Variants in PLEKHM3 observed in about 807,000 individuals in gnomAD.
The protein encoded by PLEKHM3 is pleckstrin homology domain containing M3.
In PLEKHM3, 45 loss-of-function variants were observed where a neutral mutation model predicts 81.8. The observed-to-expected ratio is 0.55, with a 90% CI of 0.43 to 0.71. The LOEUF is 0.71. Among genes scored for constraint, PLEKHM3 ranks in the 30% least tolerant of loss-of-function variants. The probability of loss-of-function intolerance (pLI) is 0.00; values close to 1 mark genes in which losing one functional copy is unlikely to be tolerated. For synonymous variants in PLEKHM3, 352 were observed against 356.4 expected, an observed-to-expected ratio of 0.99 and a Z score of 0.14; for missense variants, 788 against 924.3, an observed-to-expected ratio of 0.85 and a Z score of 1.91.
intron 7 of PLEKHM3, among the ~76,000 whole-genome samples, chr2:207,856,484 A>G (rs1297219264): frequency 6.6e-6 from 1 of 152,180 alleles, no homozygotes; most frequent in Non-Finnish European, 1.5e-5. Flanking sequence ...CTTCCCAGCC[A>G]CCAAATCCCT....
At chr2:207,862,709 T>C (rs929518256) in intron 6 of PLEKHM3, among the ~76,000 whole-genome samples, 1 of 152,034 alleles carries the variant, frequency 6.6e-6, no homozygotes, top group African/African-American at 2.4e-5. Context: ...TAAAGAGAAA[T>C]TACAATGTCC....
chr2:207,977,791 AC>A (rs1691371350), intron 2 of PLEKHM3, among the ~76,000 whole-genome samples: 1 of 152,150 alleles, frequency 6.6e-6, no homozygotes, highest in Admixed American at 6.5e-5. Flanking sequence ...GAGTCTAAAA[AC>A]TGTAACTAGG....
At chr2:207,901,621 A>C (rs1238452565) in intron 6 of PLEKHM3, among the ~76,000 whole-genome samples, 1 of 152,236 alleles carries the variant, frequency 6.6e-6, no homozygotes, top group African/African-American at 2.4e-5. Flanking sequence ...CTTGAGAAAC[A>C]GCACTTTTCC....
At position 207,976,684 on chromosome 2, in the gene PLEKHM3, G is replaced by A. The variant is rs1416993669; in HGVS notation, c.1513C>T (p.Arg505Ter). ...LSILTTLSLE[R>*]GLTAQSFKCA... The stretch of plus-strand genomic sequence containing the variant: ...TTGAAACTCTGAGCAGTGAGTCCTC[G>A]TTCCAAAGACAAAGTCGTCAAAATG... Residue 505 changes from arginine to a stop codon, truncating the protein, a stop_gained, in exon 3 of 8, where the codon CGA (arginine) becomes TGA (stop). Transcript: ENST00000427836. LOFTEE classifies it high-confidence loss of function. This position sits in a 1 kb window ranked among gnomAD's most constrained non-coding sequence, Gnocchi z 4.1. 1.9e-6 allele frequency: 3 copies of A among 1,614,072 alleles called. No homozygotes were observed. Among genetic ancestry groups the A allele is most frequent in the South Asian group, 1.1e-5 (1 of 91,066 alleles).
chr2:207,844,038 G>A (rs903504302), intron 7 of PLEKHM3, among the ~76,000 whole-genome samples: 1 of 151,850 alleles, frequency 6.6e-6, no homozygotes, highest in Non-Finnish European at 1.5e-5. Flanking sequence ...AGCCCTGATA[G>A]TGCCACTGCA....
At chr2:207,863,572 G>T (rs1401285544) in intron 6 of PLEKHM3, among the ~76,000 whole-genome samples, 1 of 152,256 alleles carries the variant, frequency 6.6e-6, no homozygotes, top group Non-Finnish European at 1.5e-5. Context: ...GGAAGCTGGT[G>T]GTGGCAGCGG....
At chr2:208,000,243 C>A (rs1248634541) in intron 2 of PLEKHM3, among the ~76,000 whole-genome samples, 1 of 152,202 alleles carries the variant, frequency 6.6e-6, no homozygotes, top group Non-Finnish European at 1.5e-5. Flanking sequence ...CTCTACTTGC[C>A]AGGGTCTGCT....
chr2:207,831,110 T>A (rs1198582943), intron 7 of PLEKHM3, among the ~76,000 whole-genome samples: 1 of 152,150 alleles, frequency 6.6e-6, no homozygotes, highest in East Asian at 1.9e-4. Flanking sequence ...GGGAAGTGCT[T>A]AGTGAACAGC....
In PLEKHM3 at chr2:207,821,824, C is replaced by T. The variant is rs1575253123; in HGVS notation, c.*6495G>A. Reference sequence around the variant, plus strand: ...GAACTCCTGGGCTCCAGTGATCCTCCCACCCCAGCCTCCCAAAGAGCTGGG... The same window carrying T: ...GAACTCCTGGGCTCCAGTGATCCTCTCACCCCAGCCTCCCAAAGAGCTGGG... On this transcript the variant is annotated 3_prime_UTR_variant, in exon 8 of 8. Transcript: ENST00000427836. 6.6e-6 allele frequency: 1 copy of T among 152,284 alleles called. No individual in the cohort carries two copies. The highest frequency in any genetic ancestry group is 2.4e-5 in the African/African-American group (1 of 41,554). The allele number at this position is 152,284 out of a possible 1,614,324, so 9.4% of individuals were successfully genotyped here. A position where few individuals can be genotyped will look rare whatever the true frequency, so the allele number is the denominator to read the frequency against.
chr2:208,003,635 G>A (rs1444679582), intron 1 of PLEKHM3, among the ~76,000 whole-genome samples: 1 of 152,116 alleles, frequency 6.6e-6, no homozygotes, highest in African/African-American at 2.4e-5. Flanking sequence ...CATGAAGCAA[G>A]GCACAGATTT....
intron 1 of PLEKHM3, among the ~76,000 whole-genome samples, chr2:208,022,117 G>A (rs1251119184): frequency 6.6e-6 from 1 of 152,208 alleles, no homozygotes; most frequent in Non-Finnish European, 1.5e-5. Context: ...TCACCAATGA[G>A]CTGTTCGGAA....
At chr2:207,920,079 C>A (rs1689130612) in intron 5 of PLEKHM3, among the ~76,000 whole-genome samples, 1 of 152,118 alleles carries the variant, frequency 6.6e-6, no homozygotes, top group South Asian at 2.1e-4. Context: ...GTGGGAACTC[C>A]TGCTGGATAT....
chr2:207,846,420 G>A (rs185111446), intron 7 of PLEKHM3, among the ~76,000 whole-genome samples: 8 of 152,208 alleles, frequency 5.3e-5, no homozygotes, highest in East Asian at 1.9e-4. Context: ...GATTACAGGC[G>A]TGAACCACTG....
intron 5 of PLEKHM3, among the ~76,000 whole-genome samples, chr2:207,927,892 G>T (rs1006727886): frequency 3.9e-5 from 6 of 152,158 alleles, no homozygotes; most frequent in Non-Finnish European, 7.3e-5. Flanking sequence ...AACTCTTGGA[G>T]ATTATTTCAC....
At chr2:207,953,210 T>C (rs1270712541) in intron 3 of PLEKHM3, among the ~76,000 whole-genome samples, 3 of 152,234 alleles carry the variant, frequency 2.0e-5, no homozygotes, top group Non-Finnish European at 4.4e-5. Flanking sequence ...TCATGGACTT[T>C]AGACTGCAAC....
intron 1 of PLEKHM3, among the ~76,000 whole-genome samples, chr2:208,005,278 T>C (rs980873562): frequency 1.3e-5 from 2 of 152,262 alleles, no homozygotes; most frequent in East Asian, 1.9e-4. Context: ...AACTTAAGTC[T>C]ATACTTTTTT....
chr2:207,890,109 C>A (rs374940608), intron 6 of PLEKHM3, among the ~76,000 whole-genome samples: 1 of 152,052 alleles, frequency 6.6e-6, no homozygotes, highest in African/African-American at 2.4e-5. Flanking sequence ...CCTGCCTATT[C>A]GTTCATTTTT....
intron 5 of PLEKHM3, among the ~76,000 whole-genome samples, chr2:207,917,831 G>A (rs1333970739): frequency 6.6e-6 from 1 of 151,980 alleles, no homozygotes; most frequent in Non-Finnish European, 1.5e-5. Context: ...GTGATACCTT[G>A]TCTCAAAAAG....
intron 2 of PLEKHM3, among the ~76,000 whole-genome samples, chr2:207,986,629 T>C (rs1449987203): frequency 6.6e-6 from 1 of 151,972 alleles, no homozygotes; most frequent in Non-Finnish European, 1.5e-5. Flanking sequence ...AATTTGATTG[T>C]GGTAAATTAC....
Sources: allele counts gnomAD v4.1 joint callset (sites outside exome capture counted in the v4.1 genomes callset), GRCh38; gene constraint gnomAD v4.1.1; non-coding constraint Gnocchi (gnomAD v3.1); transcripts MANE v1.5; gene names NCBI Gene and HGNC (gene_info 2026-07-23, HGNC 2026-07-21).